ARHGAP9: variants seen among roughly 807,000 people sequenced by gnomAD.
The protein encoded by ARHGAP9 is rho GTPase-activating protein 9.
ARHGAP9 carries 76 observed loss-of-function variants against 87.3 expected under a neutral mutation model. The ratio of observed to expected loss-of-function variants is 0.87; its 90% CI spans 0.72 to 1.05. ARHGAP9 has a LOEUF of 1.05. ARHGAP9 is among the 50% of genes least tolerant of loss of function. The probability of loss-of-function intolerance (pLI) is 0.00; values close to 1 mark genes in which losing one functional copy is unlikely to be tolerated. For missense variants in ARHGAP9, 941 were observed against 960.5 expected (o/e 0.98, Z 0.27); for synonymous variants, 382 against 394.9 (o/e 0.97, Z 0.39).
chr12:57,475,034 G>A, intron 12 of ARHGAP9, 61 bp from the exon 13 acceptor site: 1 of 1,538,948 alleles, frequency 6.5e-7, no homozygotes, highest in Non-Finnish European at 8.9e-7. Context: ...GCTCTTCTCA[G>A]CATAGGTCTT....
At chr12:57,474,357 T>C in intron 15 of ARHGAP9, 66 bp downstream of exon 15, 2 of 1,601,238 alleles carry the variant, frequency 1.2e-6, no homozygotes, top group Non-Finnish European at 1.7e-6. Flanking sequence ...TACATGGGGG[T>C]TTCCACGGGA....
rs2139876199 is a variant in ARHGAP9, at chr12:57,472,675, AGT to A, written c.2036_2037del (p.His679LeufsTer3). The A allele has an allele frequency of 6.2e-7, 1 of 1,614,168 alleles. No homozygotes were observed. Reference protein sequence around the residue: ...LLEHLCRVIAHSDKNRMTPHN... With the variant: ...LLEHLCRVIAXSDKNRMTPHN... ...TGGGGTGTCATGCGATTCTTATCTG[AGT>A]GTGCTATCACCCTGTAAGCAAAGGC... On this transcript the variant is annotated frameshift_variant, in exon 18 of 18. Coordinates refer to ENST00000393791, the MANE Select transcript of ARHGAP9 (RefSeq NM_032496.4). LOFTEE classifies it high-confidence loss of function.
upstream of ARHGAP9, among the ~76,000 whole-genome samples, chr12:57,482,177 G>A (rs1054788699): frequency 2.6e-5 from 4 of 152,092 alleles, no homozygotes; most frequent in African/African-American, 9.7e-5. Context: ...GGGAGGCCAA[G>A]GCAGAATATC....
intron 3 of ARHGAP9, 25 bp downstream of exon 3, chr12:57,478,515 C>G (rs1319747187): frequency 1.2e-5 from 20 of 1,610,174 alleles, no homozygotes; most frequent in Non-Finnish European, 1.7e-5. Context: ...AGAACAGGGC[C>G]CAGCTCAGAA....
intron 1 of ARHGAP9, chr12:57,488,505 C>T: frequency 6.9e-7 from 1 of 1,445,314 alleles, no homozygotes; most frequent in Middle Eastern, 1.7e-4. Context: ...TCAGGCATCC[C>T]CCTCTGCTCT....
intron 15 of ARHGAP9, 85 bp from the exon 16 acceptor site, chr12:57,474,261 T>C: frequency 1.3e-6 from 2 of 1,583,310 alleles, no homozygotes; most frequent in South Asian, 1.1e-5. Flanking sequence ...AGAAATCCAG[T>C]CAAAGCAGAC....
intron 5 of ARHGAP9, 39 bp downstream of exon 5, chr12:57,477,117 C>T (rs1323019092): frequency 5.0e-6 from 8 of 1,605,206 alleles, no homozygotes; most frequent in Non-Finnish European, 6.0e-6. Context: ...AACAAGCTGG[C>T]TTTTTCTGCA....
Position 57,475,285 on chromosome 12 carries a change from C to A in ARHGAP9, c.1552+6G>T, listed in dbSNP as rs1873152385. 2 of 1,580,578 alleles carry A rather than the reference C, an allele frequency of 1.3e-6. No homozygotes were observed. Among genetic ancestry groups the A allele is most frequent in the African/African-American group, 1.3e-5 (1 of 74,628 alleles). ...CTTATCCATGAACCTGGCCCAGCCCCCTCACCTCGGAGCAGACCCCGCTCC... is the reference window on the plus strand; with the variant it reads ...CTTATCCATGAACCTGGCCCAGCCCACTCACCTCGGAGCAGACCCCGCTCC... On this transcript the variant is annotated splice_donor_region_variant and intron_variant, in intron 12 of 17. Coordinates refer to ENST00000393791, the MANE Select transcript of ARHGAP9 (RefSeq NM_032496.4).
At position 57,472,444 on chromosome 12, in the gene ARHGAP9, C is replaced by T; in HGVS notation, c.*73G>A. Reference sequence around the variant, plus strand: ...TCATTTGGGAGATTTAAAGGGATATCCTCAAAACAGAACACCAGCCTCTCA... The same window carrying T: ...TCATTTGGGAGATTTAAAGGGATATTCTCAAAACAGAACACCAGCCTCTCA... On this transcript the variant is annotated 3_prime_UTR_variant, in exon 18 of 18. Transcript: ENST00000393791. 12 of 1,517,486 alleles carry T rather than the reference C, an allele frequency of 7.9e-6. No individual in the cohort carries two copies. Among genetic ancestry groups the T allele is most frequent in the Non-Finnish European group, 1.1e-5 (12 of 1,127,504 alleles). 94.0% of individuals were successfully genotyped at this position (1,517,486 alleles called of 1,614,324 possible).
At chr12:57,472,786 C>T in intron 17 of ARHGAP9, 98 bp from the exon 18 acceptor site, 1 of 1,300,988 alleles carries the variant, frequency 7.7e-7, no homozygotes, top group Non-Finnish European at 1.1e-6. Context: ...GAAGAGTTCA[C>T]TCTGGGATTC....
Position 57,477,595 on chromosome 12 carries a change from C to A in ARHGAP9, c.620G>T (p.Gly207Val). ...LRRCPRSPPPGPACPLLQRLD... is the reference protein window; with the variant it reads ...LRRCPRSPPPVPACPLLQRLD... The stretch of plus-strand genomic sequence containing the variant: ...CCTCTGCAGCAGGGGGCATGCAGGG[C>A]CTGGGGGTGGGGACCGAGGACAGCG... The change falls in exon 4 of 18, where the codon GGC (glycine) becomes GTC (valine). Residue 207 changes from glycine (G) to valine (V), a missense_variant. By Grantham distance (109) the Gly-to-Val change is moderately radical (BLOSUM62 -3). Coordinates refer to ENST00000393791, the MANE Select transcript of ARHGAP9 (RefSeq NM_032496.4). The A allele has an allele frequency of 6.2e-7, 1 of 1,612,894 alleles. No individual in the cohort carries two copies. The highest frequency in any genetic ancestry group is 8.5e-7 in the Non-Finnish European group (1 of 1,179,370).
At chr12:57,480,934 C>T, upstream of ARHGAP9, 2 of 1,136,366 alleles carry the variant, frequency 1.8e-6, no homozygotes, top group Non-Finnish European at 2.6e-6. Context: ...GTGGCTAGTA[C>T]TGGGCTTCTG....
upstream of ARHGAP9, among the ~76,000 whole-genome samples, chr12:57,482,715 A>T (rs372837300): frequency 1.3e-5 from 2 of 152,138 alleles, no homozygotes; most frequent in African/African-American, 4.8e-5. Flanking sequence ...AAAATAAATA[A>T]ATAAAATAAT....
intron 1 of ARHGAP9, among the ~76,000 whole-genome samples, chr12:57,485,685 TTTTG>T (rs1028597604): frequency 1.2e-4 from 19 of 152,264 alleles, no homozygotes; most frequent in African/African-American, 4.3e-4. Context: ...TGGCCTAGTT[TTTTG>T]TTTGTTTGTT....
rs191828785 is a variant in ARHGAP9, at chr12:57,475,199, C to T, written c.1552+92G>A. The T allele has an allele frequency of 3.8e-6, 5 of 1,321,506 alleles. No individual in the cohort carries two copies. In the African/African-American group the frequency reaches 4.4e-5, roughly 12 times the overall value. 81.9% of individuals were successfully genotyped at this position (1,321,506 alleles called of 1,614,324 possible). ...ACAATCTGGGGTAGTGGGAAAGCAG[C>T]AGTCACAGAAGGTTGTGGTCTAGTT... On this transcript the variant is annotated intron_variant, in intron 12 of 17. Coordinates refer to ENST00000393791, the MANE Select transcript of ARHGAP9 (RefSeq NM_032496.4).
At chr12:57,478,023 G>T in intron 3 of ARHGAP9, 2 of 1,070,994 alleles carry the variant, frequency 1.9e-6, no homozygotes, top group South Asian at 1.7e-5. Context: ...CAAGGTAAAA[G>T]AAGACAGAGA....
chr12:57,478,447 G>T, intron 3 of ARHGAP9, 93 bp downstream of exon 3: 3 of 1,240,568 alleles, frequency 2.4e-6, no homozygotes, highest in Admixed American at 2.0e-5. Context: ...ATTTGTTTTT[G>T]TGTTTGTCAT....
chr12:57,488,785 C>G, exon 1 of ARHGAP9: 1 of 898,086 alleles, frequency 1.1e-6, no homozygotes, highest in African/African-American at 1.7e-5. Flanking sequence ...ACCACCACCT[C>G]CTCTGCAGTC....
In ARHGAP9 at chr12:57,472,459, C is replaced by T. The variant is rs773732372; in HGVS notation, c.*58G>A. On this transcript the variant is annotated 3_prime_UTR_variant, in exon 18 of 18. Coordinates refer to ENST00000393791, the MANE Select transcript of ARHGAP9 (RefSeq NM_032496.4). Reference sequence around the variant, plus strand: ...AAAGGGATATCCTCAAAACAGAACACCAGCCTCTCACCACCAGAGATGACC... The same window carrying T: ...AAAGGGATATCCTCAAAACAGAACATCAGCCTCTCACCACCAGAGATGACC... 13 of 1,566,908 alleles carry T rather than the reference C, an allele frequency of 8.3e-6. No individual in the cohort carries two copies. The highest frequency in any genetic ancestry group is 1.0e-5 in the Non-Finnish European group (12 of 1,155,412).
Sources: allele counts gnomAD v4.1 joint callset (sites outside exome capture counted in the v4.1 genomes callset), GRCh38; gene constraint gnomAD v4.1.1; transcripts MANE v1.5; gene names NCBI Gene and HGNC (gene_info 2026-07-23, HGNC 2026-07-21).